The following CCDC171 variants were observed in gnomAD, a reference collection of about 807,000 sequenced individuals.
CCDC171 encodes the protein coiled-coil domain containing 171, also known as coiled-coil domain-containing protein 171.
CCDC171 carries 177 observed loss-of-function variants against 168.2 expected under a neutral mutation model. That is an observed-to-expected ratio of 1.05 (90% CI 0.93 to 1.19). The LOEUF (loss-of-function observed/expected upper bound fraction) is 1.19, where lower values mean the gene tolerates loss of function less well. Ranked by LOEUF, CCDC171 falls within the 50% of genes most tolerant of loss-of-function variation. The probability of loss-of-function intolerance (pLI) is 0.00; values close to 1 mark genes in which losing one functional copy is unlikely to be tolerated. For synonymous variants in CCDC171, 687 were observed against 540.8 expected, an observed-to-expected ratio of 1.27 and a Z score of -3.75; for missense variants, 1,991 against 1,539.0, an observed-to-expected ratio of 1.29 and a Z score of -4.91.
intron 3 of CCDC171, among the ~76,000 whole-genome samples, chr9:15,991,150 T>C (rs1258105758): frequency 2.0e-5 from 3 of 152,318 alleles, no homozygotes; most frequent in Non-Finnish European, 4.4e-5. Flanking sequence ...ATCGCACTTA[T>C]TCCAAAATTG....
chr9:15,713,405 A>G (rs971365939), intron 11 of CCDC171, among the ~76,000 whole-genome samples: 1 of 152,084 alleles, frequency 6.6e-6, no homozygotes, highest in Non-Finnish European at 1.5e-5. Context: ...ATGTAACAGG[A>G]ATAGGGCCCA....
At chr9:15,926,471 T>G (rs1328283) in intron 25 of CCDC171, among the ~76,000 whole-genome samples, 48,553 of 151,376 alleles carry the variant, frequency 0.32, 9,616 homozygotes, top group East Asian at 0.62. Context: ...CTGATTTGAT[T>G]CCACTTCTGA....
intron 24 of CCDC171, among the ~76,000 whole-genome samples, chr9:15,914,367 GCAGTCTGGCTA>G (rs1465518971): frequency 6.6e-6 from 1 of 152,174 alleles, no homozygotes; most frequent in Non-Finnish European, 1.5e-5. Flanking sequence ...GTCAAGAGAG[GCAGTCTGGCTA>G]CAGTGGCTTT....
At chr9:15,737,112 T>C (rs1255838319) in intron 16 of CCDC171, among the ~76,000 whole-genome samples, 1 of 152,120 alleles carries the variant, frequency 6.6e-6, no homozygotes, top group East Asian at 1.9e-4. Flanking sequence ...TTTAATACAC[T>C]ATATCATAAA....
At chr9:16,082,352 C>A in the CCDC171 span, among the ~76,000 whole-genome samples, 9 of 152,194 alleles carry the variant, frequency 5.9e-5, no homozygotes, top group African/African-American at 2.2e-4. Context: ...AGAATCAATT[C>A]ATGGCTTCAT....
intron 24 of CCDC171, among the ~76,000 whole-genome samples, chr9:15,899,792 C>A (rs867783253): frequency 6.6e-6 from 1 of 151,866 alleles, no homozygotes; most frequent in African/African-American, 2.4e-5. Context: ...AATATTTTTT[C>A]TCTGTCATTT....
chr9:15,723,539 T>C, intron 12 of CCDC171, 142 bp from the exon 13 acceptor site: 1 of 625,714 alleles, frequency 1.6e-6, no homozygotes, highest in Non-Finnish European at 2.8e-6. Flanking sequence ...TTAAAGACTC[T>C]TAATTACTAT....
At chr9:15,620,092 T>G (rs1004673438) in intron 6 of CCDC171, among the ~76,000 whole-genome samples, 2 of 152,226 alleles carry the variant, frequency 1.3e-5, no homozygotes, top group African/African-American at 4.8e-5. Flanking sequence ...AGAGCGCTGA[T>G]GGTTATGTAC....
chr9:15,784,442 G>A (rs1429179641), intron 20 of CCDC171, 67 bp from the exon 21 acceptor site: 3 of 994,486 alleles, frequency 3.0e-6, no homozygotes, highest in Non-Finnish European at 4.4e-6. Flanking sequence ...CTTTAGTTTT[G>A]AAGGTGAAAT....
intron 21 of CCDC171, among the ~76,000 whole-genome samples, chr9:15,788,351 C>G (rs2058074564): frequency 6.6e-6 from 1 of 152,088 alleles, no homozygotes; most frequent in African/African-American, 2.4e-5. Flanking sequence ...CAAGTGTATA[C>G]TTGTTAAATA....
chr9:15,699,665 T>A (rs2051529783), intron 11 of CCDC171, among the ~76,000 whole-genome samples: 1 of 152,018 alleles, frequency 6.6e-6, no homozygotes, highest in African/African-American at 2.4e-5. Flanking sequence ...TGTCGATTGG[T>A]GAATTCACAA....
At chr9:15,561,693 A>G (rs1174126539) in intron 1 of CCDC171, among the ~76,000 whole-genome samples, 1 of 152,148 alleles carries the variant, frequency 6.6e-6, no homozygotes, top group Non-Finnish European at 1.5e-5. Context: ...GAATCCCATC[A>G]TAGTTCATAT....
At chr9:16,103,004 C>T in the CCDC171 span, among the ~76,000 whole-genome samples, 7 of 152,204 alleles carry the variant, frequency 4.6e-5, no homozygotes, top group African/African-American at 1.7e-4. Context: ...GGCAGAAAAC[C>T]TCAGCCGCAC....
At chr9:15,976,955 C>G (rs1831637345), downstream of CCDC171, among the ~76,000 whole-genome samples, 1 of 151,906 alleles carries the variant, frequency 6.6e-6, no homozygotes, top group African/African-American at 2.4e-5. Context: ...AGATTTAAAC[C>G]TAGAGCGTTA....
chr9:15,830,782 G>T (rs189706374), intron 21 of CCDC171, among the ~76,000 whole-genome samples: 1 of 152,178 alleles, frequency 6.6e-6, no homozygotes, highest in Admixed American at 6.5e-5. Context: ...TCAAACACTG[G>T]TTAAGAGTGG....
At chr9:15,834,941 A>G (rs1336200384) in intron 21 of CCDC171, among the ~76,000 whole-genome samples, 1 of 152,240 alleles carries the variant, frequency 6.6e-6, no homozygotes, top group Non-Finnish European at 1.5e-5. Flanking sequence ...ATGGAAATAG[A>G]ATTCATCTGT....
At chr9:16,023,033 C>A (rs1004577819) in intron 6 of CCDC171, 17 of 152,124 alleles carry the variant, frequency 1.1e-4, no homozygotes, top group African/African-American at 4.1e-4. Context: ...AACCCAAGTT[C>A]TGGAAGACAT....
At chr9:15,643,630 C>A (rs569786724) in intron 7 of CCDC171, among the ~76,000 whole-genome samples, 3 of 152,250 alleles carry the variant, frequency 2.0e-5, no homozygotes, top group East Asian at 1.9e-4. Flanking sequence ...TTAATATATT[C>A]ACTATACTGT....
chr9:16,067,403 T>G, the CCDC171 span, among the ~76,000 whole-genome samples: 3 of 152,140 alleles, frequency 2.0e-5, no homozygotes, highest in Non-Finnish European at 2.9e-5. Flanking sequence ...TGTCTCCCAT[T>G]TTGTAGGTTT....
Sources: gnomAD v4.1 joint callset for allele counts (sites outside exome capture counted in the v4.1 genomes callset) on GRCh38, gnomAD v4.1.1 for gene constraint, MANE v1.5 for transcripts, NCBI Gene and HGNC (gene_info 2026-07-23, HGNC 2026-07-21) for gene names.